Variants in MYO16 observed in about 807,000 individuals in gnomAD.
The protein encoded by MYO16 is unconventional myosin-XVI.
A neutral mutation model predicts 205.3 loss-of-function variants in MYO16; 94 were observed. That is an observed-to-expected ratio of 0.46 (90% CI 0.39 to 0.54). The LOEUF (loss-of-function observed/expected upper bound fraction) is 0.54, where lower values mean the gene tolerates loss of function less well. MYO16 is among the 20% of genes least tolerant of loss of function. The probability of loss-of-function intolerance (pLI) is 0.00; values close to 1 mark genes in which losing one functional copy is unlikely to be tolerated. For missense variants in MYO16, 2,315 were observed against 2,387.5 expected (o/e 0.97, Z 0.63); for synonymous variants, 988 against 954.0 (o/e 1.04, Z -0.66).
the MYO16 span, among the ~76,000 whole-genome samples, chr13:108,530,474 G>A: frequency 1.3e-5 from 2 of 152,056 alleles, no homozygotes; most frequent in Non-Finnish European, 1.5e-5. Flanking sequence ...GTTCACCTAG[G>A]TTACTTCCTT....
At chr13:108,770,743 G>A (rs1204423662) in intron 4 of MYO16, among the ~76,000 whole-genome samples, 1 of 152,138 alleles carries the variant, frequency 6.6e-6, no homozygotes, top group Non-Finnish European at 1.5e-5. Flanking sequence ...GAGCCCAGGT[G>A]AGAAAATAAG....
At chr13:108,921,894 G>T (rs564927862) in intron 16 of MYO16, among the ~76,000 whole-genome samples, 3 of 152,218 alleles carry the variant, frequency 2.0e-5, no homozygotes, top group South Asian at 4.1e-4. Context: ...TGTGAGTGAC[G>T]GAGTGAGTGC....
chr13:108,793,758 G>T, intron 6 of MYO16, 118 bp downstream of exon 6: 1 of 1,176,910 alleles, frequency 8.5e-7, no homozygotes. Context: ...AGTAATACAT[G>T]TCAATTGTAG....
chr13:109,120,298 G>A, intron 28 of MYO16, 72 bp from the exon 29 acceptor site: 6 of 1,060,990 alleles, frequency 5.7e-6, no homozygotes, highest in South Asian at 1.5e-5. Context: ...AAAATATTTT[G>A]TCTGATTATT....
the MYO16 span, among the ~76,000 whole-genome samples, chr13:108,498,367 C>T: frequency 8.5e-5 from 13 of 152,164 alleles, no homozygotes; most frequent in African/African-American, 2.4e-4. Context: ...GATGTTGGGT[C>T]TTGCTGTCTC....
At chr13:108,904,132 C>G (rs1230552352) in intron 15 of MYO16, among the ~76,000 whole-genome samples, 1 of 152,122 alleles carries the variant, frequency 6.6e-6, no homozygotes, top group Non-Finnish European at 1.5e-5. Flanking sequence ...ATACCAGGCT[C>G]AGCTTTATGA....
upstream of MYO16, among the ~76,000 whole-genome samples, chr13:108,625,291 C>A (rs76353143): frequency 9.4e-3 from 1,436 of 152,236 alleles, 23 homozygotes; most frequent in African/African-American, 0.033. Flanking sequence ...TCAGGAACAA[C>A]CTCCACAGTC....
At chr13:109,079,297 G>A (rs1566495754) in intron 27 of MYO16, among the ~76,000 whole-genome samples, 1 of 152,216 alleles carries the variant, frequency 6.6e-6, no homozygotes, top group South Asian at 2.1e-4. Flanking sequence ...GTCTCAGGAG[G>A]GAGGGCAAAT....
the MYO16 span, among the ~76,000 whole-genome samples, chr13:108,539,495 G>A: frequency 3.9e-5 from 6 of 152,240 alleles, no homozygotes; most frequent in African/African-American, 1.4e-4. Context: ...ACCAGGAGAA[G>A]AAGGTGTGAA....
chr13:108,723,531 T>G (rs1332043639), intron 3 of MYO16, among the ~76,000 whole-genome samples: 5 of 152,204 alleles, frequency 3.3e-5, no homozygotes, highest in Non-Finnish European at 7.4e-5. Flanking sequence ...AAAAGTATTT[T>G]TATACATGTG....
chr13:108,754,127 A>G (rs1449027307), intron 4 of MYO16, among the ~76,000 whole-genome samples: 1 of 152,208 alleles, frequency 6.6e-6, no homozygotes, highest in African/African-American at 2.4e-5. Context: ...AACAAACTGT[A>G]GCATGCAGGA....
intron 1 of MYO16, among the ~76,000 whole-genome samples, chr13:108,604,989 T>C (rs1878898117): frequency 6.6e-6 from 1 of 152,226 alleles, no homozygotes; most frequent in Non-Finnish European, 1.5e-5. Context: ...TGAAATATTC[T>C]ATCCATGTGT....
intron 31 of MYO16, among the ~76,000 whole-genome samples, chr13:109,139,683 G>A (rs1419132473): frequency 6.9e-6 from 1 of 143,916 alleles, no homozygotes; most frequent in African/African-American, 2.5e-5. Flanking sequence ...CTACGTGAAA[G>A]GGTCGTAATA....
At chr13:108,795,275 TCCA>T (rs1412880132) in intron 6 of MYO16, among the ~76,000 whole-genome samples, 3 of 151,780 alleles carry the variant, frequency 2.0e-5, no homozygotes, top group Non-Finnish European at 4.4e-5. Flanking sequence ...CACTGCAACC[TCCA>T]CCTCCCAGGT....
chr13:109,036,741 C>T lies in MYO16; in HGVS notation c.2797-10175C>T, dbSNP rs117707744. 6.3e-3 allele frequency among the ~76,000 whole-genome samples: 957 copies of T among 152,234 alleles called. 6 individuals are homozygous for T. The highest frequency in any genetic ancestry group is 0.01 in the Non-Finnish European group (710 of 68,034). ...ATTTCTCTATTACATGCATGAGAGA[C>T]GCTGCCATGTACTGCATGAATCCTG... On this transcript the variant is annotated intron_variant, in intron 23 of 34. Coordinates refer to ENST00000457511, the MANE Select transcript of MYO16 (RefSeq NM_001198950.3).
chr13:109,192,137 G>A (rs1406072592), intron 34 of MYO16, among the ~76,000 whole-genome samples: 1 of 152,148 alleles, frequency 6.6e-6, no homozygotes, highest in East Asian at 1.9e-4. Flanking sequence ...TTTTATGATT[G>A]CATTATTATT....
intron 5 of MYO16, among the ~76,000 whole-genome samples, chr13:108,789,535 G>T (rs912469388): frequency 6.6e-6 from 1 of 152,110 alleles, no homozygotes; most frequent in African/African-American, 2.4e-5. Flanking sequence ...ACATAGTTGG[G>T]GTTACAGTCT....
At chr13:108,752,900 C>T (rs1197799639) in intron 4 of MYO16, among the ~76,000 whole-genome samples, 6 of 141,526 alleles carry the variant, frequency 4.2e-5, no homozygotes, top group African/African-American at 1.0e-4. Context: ...CTCCTGACTT[C>T]GTGATCCACC....
chr13:108,535,244 G>C, the MYO16 span, among the ~76,000 whole-genome samples: 4 of 152,088 alleles, frequency 2.6e-5, no homozygotes, highest in Non-Finnish European at 4.4e-5. Context: ...CTATTCACTT[G>C]TATTACTTAA....
Sources: gnomAD v4.1 joint callset for allele counts (sites outside exome capture counted in the v4.1 genomes callset) on GRCh38, gnomAD v4.1.1 for gene constraint, MANE v1.5 for transcripts, NCBI Gene and HGNC (gene_info 2026-07-23, HGNC 2026-07-21) for gene names.